Variants in RYR2 observed in about 807,000 individuals in gnomAD.
RYR2 encodes the protein ryanodine receptor 2, also known as cardiac muscle ryanodine receptor-calcium release channel.
In RYR2, 227 loss-of-function variants were observed where a neutral mutation model predicts 601.1. That is an observed-to-expected ratio of 0.38 (90% CI 0.34 to 0.42). RYR2 has a LOEUF of 0.42. Among genes scored for constraint, RYR2 ranks in the 10% least tolerant of loss-of-function variants. RYR2 has a pLI of 1.00. For missense variants in RYR2, 4,646 were observed against 6,156.5 expected, an observed-to-expected ratio of 0.75 and a Z score of 8.21; for synonymous variants, 2,223 against 2,175.1, an observed-to-expected ratio of 1.02 and a Z score of -0.61.
Position 237,387,269 on chromosome 1 carries a change from C to T in RYR2, c.577-12C>T, listed in dbSNP as rs1440074160. Reference sequence around the variant, plus strand: ...AGCCTGAAGTGATGCCTCCTTTTGCCTCTTGATACAGCACTTGTCTTATGG... The same window carrying T: ...AGCCTGAAGTGATGCCTCCTTTTGCTTCTTGATACAGCACTTGTCTTATGG... On this transcript the variant is annotated splice_polypyrimidine_tract_variant and intron_variant, in intron 8 of 104. Coordinates refer to ENST00000366574, the MANE Select transcript of RYR2 (RefSeq NM_001035.3). The T allele has an allele frequency of 3.7e-6, 6 of 1,613,348 alleles. No homozygotes were observed. The highest frequency in any genetic ancestry group is 1.6e-4 in the Middle Eastern group (1 of 6,084).
In RYR2 at chr1:237,187,443, C is replaced by CTTT. The variant is rs10686110; in HGVS notation, c.49-83037_49-83035dup. Among the ~76,000 whole-genome samples, 627 of 86,758 alleles carry CTTT rather than the reference C, an allele frequency of 7.2e-3. 54 individuals are homozygous for CTTT. The highest frequency in any genetic ancestry group is 0.026 in the African/African-American group (585 of 22,558). 56.9% of individuals were successfully genotyped at this position (86,758 alleles called of 152,430 possible). On this transcript the variant is annotated intron_variant, in intron 1 of 104. Coordinates refer to ENST00000366574, the MANE Select transcript of RYR2 (RefSeq NM_001035.3). ...GGCGTGAGCCAACACGCCCGGCCGA[C>CTTT]TTTTTTTTTTTTTTTTTTTGAGACA...
Position 237,759,085 on chromosome 1 carries a change from C to T in RYR2, c.11326-691C>T, listed in dbSNP as rs570410148. Among the ~76,000 whole-genome samples, 19 of 152,020 alleles carry T rather than the reference C, an allele frequency of 1.2e-4. No individual in the cohort carries two copies. The South Asian group carries it at 2.7e-3, about 22-fold the overall frequency. On this transcript the variant is annotated intron_variant, in intron 82 of 104. Coordinates refer to ENST00000366574, the MANE Select transcript of RYR2 (RefSeq NM_001035.3). Reference sequence around the variant, plus strand: ...ACAACTCTCAGATTGTAATGCTGTTCGGGGTTTTTTGTTTTGTTTTGTTTT... The same window carrying T: ...ACAACTCTCAGATTGTAATGCTGTTTGGGGTTTTTTGTTTTGTTTTGTTTT...
chr1:237,326,142 T>C (rs1267162345), intron 2 of RYR2, among the ~76,000 whole-genome samples: 1 of 152,184 alleles, frequency 6.6e-6, no homozygotes, highest in African/African-American at 2.4e-5. Context: ...GGAAACCTAA[T>C]TGATTTTTAC....
chr1:237,297,653 A>G (rs988424865), intron 2 of RYR2, among the ~76,000 whole-genome samples: 1 of 152,024 alleles, frequency 6.6e-6, no homozygotes, highest in African/African-American at 2.4e-5. Context: ...TGCAACTCAC[A>G]TTGAGAGTTT....
intron 22 of RYR2, 144 bp from the exon 23 acceptor site, chr1:237,506,566 G>C: frequency 1.9e-6 from 1 of 529,102 alleles, no homozygotes; most frequent in Non-Finnish European, 3.3e-6. Context: ...AAAGAATGTC[G>C]TGAAATAGAT....
At chr1:237,744,224 A>G (rs1445486877) in intron 80 of RYR2, among the ~76,000 whole-genome samples, 1 of 152,204 alleles carries the variant, frequency 6.6e-6, no homozygotes, top group Non-Finnish European at 1.5e-5. Context: ...TTACAAAATT[A>G]CTTACATTAA....
chr1:237,283,018 C>T (rs1163766531), intron 2 of RYR2, among the ~76,000 whole-genome samples: 1 of 152,172 alleles, frequency 6.6e-6, no homozygotes, highest in African/African-American at 2.4e-5. Flanking sequence ...CACACTTAGA[C>T]ATGCATAAAC....
At chr1:237,494,543 C>T (rs1431586572) in intron 19 of RYR2, among the ~76,000 whole-genome samples, 1 of 152,154 alleles carries the variant, frequency 6.6e-6, no homozygotes. Context: ...CGTTTGGCAA[C>T]CCCCTCACAG....
intron 1 of RYR2, among the ~76,000 whole-genome samples, chr1:237,097,739 G>A (rs1475177709): frequency 1.3e-5 from 2 of 152,156 alleles, no homozygotes; most frequent in African/African-American, 2.4e-5. Context: ...TTTAAACCAA[G>A]TATAATAATA....
At chr1:237,367,555 T>C (rs1700302418) in intron 5 of RYR2, among the ~76,000 whole-genome samples, 1 of 149,896 alleles carries the variant, frequency 6.7e-6, no homozygotes, top group African/African-American at 2.5e-5. Context: ...GTTGTAATAA[T>C]ATTGGATATT....
At chr1:237,628,405 G>A (rs1188744761) in intron 41 of RYR2, among the ~76,000 whole-genome samples, 10 of 139,696 alleles carry the variant, frequency 7.2e-5, no homozygotes, top group African/African-American at 2.6e-4. Flanking sequence ...AGAGTCTGAT[G>A]TTCCCCTTCC....
intron 25 of RYR2, among the ~76,000 whole-genome samples, chr1:237,536,735 AATT>A (rs1668665574): frequency 2.1e-5 from 3 of 144,584 alleles, no homozygotes; most frequent in Non-Finnish European, 4.5e-5. Context: ...AAAAAAAAAA[AATT>A]AGCCGGGCAT....
chr1:237,542,213 C>T (rs1572797613), intron 25 of RYR2, among the ~76,000 whole-genome samples: 1 of 152,060 alleles, frequency 6.6e-6, no homozygotes. Flanking sequence ...CCTGCCTCAG[C>T]CTCCCAAGCA....
In RYR2 at chr1:237,614,719, T is replaced by C. The variant is rs1175202566; in HGVS notation, c.5591T>C (p.Leu1864Pro). The change falls in exon 37 of 105, where the codon CTG (leucine) becomes CCG (proline). Residue 1864 changes from leucine to proline, a missense_variant. Coordinates refer to ENST00000366574, the MANE Select transcript of RYR2 (RefSeq NM_001035.3). The surrounding 1 kb of genome is among the most constrained non-coding windows in gnomAD (Gnocchi z 4.3). ...ACTCCGGAGGAGGAGAGTGACACGC[T>C]GGAGAAAGAGCTCAGTGTGGACGAT... ...AATPEEESDT[L>P]EKELSVDDAK... The C allele has an allele frequency of 1.2e-6, 2 of 1,613,986 alleles. No individual in the cohort carries two copies. Among genetic ancestry groups the C allele is most frequent in the African/African-American group, 1.3e-5 (1 of 75,050 alleles).
In RYR2 at chr1:237,202,127, T is replaced by C. The variant is rs543263681; in HGVS notation, c.49-68370T>C. On this transcript the variant is annotated intron_variant, in intron 1 of 104. Coordinates refer to ENST00000366574, the MANE Select transcript of RYR2 (RefSeq NM_001035.3). ...ATGAATTTTATTGTACACAAAAAAGTAGTTTTATCCTAACACCATTAAAAT... is the reference window on the plus strand; with the variant it reads ...ATGAATTTTATTGTACACAAAAAAGCAGTTTTATCCTAACACCATTAAAAT... Among the ~76,000 whole-genome samples, 3 of 152,322 alleles carry C rather than the reference T, an allele frequency of 2.0e-5. 1 individual carries two copies. Among genetic ancestry groups the C allele is most frequent in the Admixed American group, 2.0e-4 (3 of 15,298 alleles).
chr1:237,683,092 G>A (rs931831579), intron 62 of RYR2, among the ~76,000 whole-genome samples: 2 of 152,150 alleles, frequency 1.3e-5, no homozygotes, highest in African/African-American at 4.8e-5. Context: ...AACTTAATTT[G>A]TATGTATAGA....
At chr1:237,445,341 C>G in intron 13 of RYR2, 60 bp from the exon 14 acceptor site, 1 of 1,604,968 alleles carries the variant, frequency 6.2e-7, no homozygotes, top group Non-Finnish European at 8.5e-7. Flanking sequence ...ACACATCTCC[C>G]TAACTCTAGT....
At chr1:237,507,444 C>G (rs1413973680) in intron 23 of RYR2, among the ~76,000 whole-genome samples, 1 of 152,156 alleles carries the variant, frequency 6.6e-6, no homozygotes, top group Non-Finnish European at 1.5e-5. Context: ...GTAATACTTT[C>G]ATTTGTATGA....
At chr1:237,160,763 A>T (rs920271628) in intron 1 of RYR2, among the ~76,000 whole-genome samples, 14 of 151,888 alleles carry the variant, frequency 9.2e-5, no homozygotes, top group Non-Finnish European at 1.3e-4. Context: ...GATAGTTTTT[A>T]AAAAAAACCC....
Sources: gnomAD v4.1 joint callset for allele counts (sites outside exome capture counted in the v4.1 genomes callset) on GRCh38, gnomAD v4.1.1 for gene constraint, Gnocchi (gnomAD v3.1) non-coding constraint, MANE v1.5 for transcripts, NCBI Gene and HGNC (gene_info 2026-07-23, HGNC 2026-07-21) for gene names.